Variants in KCNIP4 observed in about 807,000 individuals in gnomAD.
KCNIP4 encodes the protein potassium voltage-gated channel interacting protein 4.
Under a neutral mutation model 34.0 loss-of-function variants are expected in KCNIP4, and 12 were observed. The observed-to-expected ratio is 0.35, with a 90% CI of 0.23 to 0.57. The LOEUF is 0.57. Among genes scored for constraint, KCNIP4 ranks in the 20% least tolerant of loss-of-function variants. The pLI is 0.83. For synonymous variants in KCNIP4, 124 were observed against 102.2 expected (o/e 1.21, Z -1.29); for missense variants, 238 against 311.7 (o/e 0.76, Z 1.78).
chr4:21,308,711 A>AGAGAGT (rs112369238), intron 1 of KCNIP4, among the ~76,000 whole-genome samples: 1 of 149,874 alleles, frequency 6.7e-6, no homozygotes, highest in Non-Finnish European at 1.5e-5. Flanking sequence ...CTGCCGTGTG[A>AGAGAGT]GTGTGTGTGT....
intron 1 of KCNIP4, among the ~76,000 whole-genome samples, chr4:21,126,629 A>AAAG (rs59830059): frequency 0.069 from 9,843 of 143,186 alleles, 495 homozygotes; most frequent in South Asian, 0.16. Flanking sequence ...AAAAAAAAAA[A>AAAG]AAAGAAAAGA....
chr4:21,550,768 AT>A (rs1404940894), intron 1 of KCNIP4, among the ~76,000 whole-genome samples: 2 of 152,108 alleles, frequency 1.3e-5, no homozygotes, highest in Non-Finnish European at 2.9e-5. Context: ...TTGATTATGA[AT>A]CTTGAAGAAA....
At chr4:21,047,954 C>T (rs985027252) in intron 1 of KCNIP4, among the ~76,000 whole-genome samples, 1 of 152,180 alleles carries the variant, frequency 6.6e-6, no homozygotes, top group East Asian at 1.9e-4. Flanking sequence ...GCAACTCCCC[C>T]ATATGTGGAG....
At chr4:21,294,995 G>A (rs1763755790) in intron 1 of KCNIP4, among the ~76,000 whole-genome samples, 1 of 152,172 alleles carries the variant, frequency 6.6e-6, no homozygotes, top group Non-Finnish European at 1.5e-5. Flanking sequence ...ACTATGGCAA[G>A]TGTTCAAGGA....
chr4:21,862,944 G>C (rs565845537), intron 1 of KCNIP4, among the ~76,000 whole-genome samples: 2 of 144,486 alleles, frequency 1.4e-5, no homozygotes, highest in Non-Finnish European at 3.0e-5. Flanking sequence ...CTGGGTGACC[G>C]AGTGAGACTC....
At chr4:21,133,428 A>G (rs2109181086) in intron 1 of KCNIP4, among the ~76,000 whole-genome samples, 1 of 152,204 alleles carries the variant, frequency 6.6e-6, no homozygotes, top group East Asian at 1.9e-4. Flanking sequence ...TGCATCCCAT[A>G]TTTCCATGGA....
At chr4:20,962,915 T>G (rs1323250795) in intron 1 of KCNIP4, among the ~76,000 whole-genome samples, 1 of 152,206 alleles carries the variant, frequency 6.6e-6, no homozygotes, top group African/African-American at 2.4e-5. Context: ...AGTTAGAATA[T>G]TTTGACAGAA....
intron 1 of KCNIP4, among the ~76,000 whole-genome samples, chr4:21,309,640 T>C (rs1712907570): frequency 6.6e-6 from 1 of 152,184 alleles, no homozygotes; most frequent in Non-Finnish European, 1.5e-5. Context: ...CTGTAAACCC[T>C]ATGAGGCAGC....
chr4:21,067,605 C>T, intron 1 of KCNIP4, among the ~76,000 whole-genome samples: 1 of 152,174 alleles, frequency 6.6e-6, no homozygotes, highest in South Asian at 2.1e-4. Flanking sequence ...ACTTTGCCAC[C>T]TGCTGAGTGT....
chr4:20,795,092 A>T (rs1054668754), intron 3 of KCNIP4, among the ~76,000 whole-genome samples: 1 of 152,178 alleles, frequency 6.6e-6, no homozygotes, highest in Non-Finnish European at 1.5e-5. Flanking sequence ...GCAAGTTATG[A>T]TAAACAGCAT....
intron 1 of KCNIP4, among the ~76,000 whole-genome samples, chr4:21,119,355 C>T (rs954675050): frequency 1.3e-5 from 2 of 150,836 alleles, no homozygotes; most frequent in Non-Finnish European, 3.0e-5. Flanking sequence ...TACCCCTGTC[C>T]CTTTGCTGGT....
At chr4:21,309,413 T>G (rs1712878516) in intron 1 of KCNIP4, among the ~76,000 whole-genome samples, 1 of 152,212 alleles carries the variant, frequency 6.6e-6, no homozygotes, top group South Asian at 2.1e-4. Context: ...AGCTGATTAT[T>G]AAGTATTTCA....
At chr4:21,238,427 A>G (rs1445118370) in intron 1 of KCNIP4, among the ~76,000 whole-genome samples, 1 of 152,216 alleles carries the variant, frequency 6.6e-6, no homozygotes, top group Non-Finnish European at 1.5e-5. Context: ...TTAGGAAAAG[A>G]GGAAGTCAAA....
intron 1 of KCNIP4, among the ~76,000 whole-genome samples, chr4:21,779,900 T>C (rs530346973): frequency 6.7e-6 from 1 of 149,916 alleles, no homozygotes; most frequent in African/African-American, 2.5e-5. Context: ...TGCTGCACTC[T>C]AGCCTAAGCA....
rs532929539 is a variant in KCNIP4, at chr4:20,758,614, A to G, written c.358+207T>C. Among the ~76,000 whole-genome samples the G allele has an allele frequency of 4.6e-5, 7 of 152,316 alleles. No homozygotes were observed. The South Asian group carries it at 8.3e-4, about 18-fold the overall frequency. ...GGGCACACAGTAATAGTTGTATTAAACTAAAGAGCAGCCTCTTGGATATTT... is the reference window on the plus strand; with the variant it reads ...GGGCACACAGTAATAGTTGTATTAAGCTAAAGAGCAGCCTCTTGGATATTT... On this transcript the variant is annotated intron_variant, in intron 4 of 8. Transcript: ENST00000382152.
chr4:21,495,971 C>A (rs1732817314), intron 1 of KCNIP4, among the ~76,000 whole-genome samples: 1 of 152,144 alleles, frequency 6.6e-6, no homozygotes, highest in South Asian at 2.1e-4. Context: ...TGGGGCCCTG[C>A]AATCTGCATA....
At chr4:21,298,733 T>C (rs906959372) in intron 1 of KCNIP4, among the ~76,000 whole-genome samples, 1 of 152,206 alleles carries the variant, frequency 6.6e-6, no homozygotes, top group Non-Finnish European at 1.5e-5. Context: ...ATTTATAACA[T>C]GGTGCCTTTA....
chr4:21,559,619 C>A (rs996251025), intron 1 of KCNIP4, among the ~76,000 whole-genome samples: 1 of 152,032 alleles, frequency 6.6e-6, no homozygotes, highest in African/African-American at 2.4e-5. Flanking sequence ...GCCAGGAAAG[C>A]CACTTCAGAG....
chr4:21,026,396 G>A (rs1740561064), intron 1 of KCNIP4, among the ~76,000 whole-genome samples: 1 of 152,192 alleles, frequency 6.6e-6, no homozygotes, highest in South Asian at 2.1e-4. Flanking sequence ...GCTCACACCT[G>A]TAATCCCAGC....
Sources: allele counts gnomAD v4.1 joint callset (sites outside exome capture counted in the v4.1 genomes callset), GRCh38; gene constraint gnomAD v4.1.1; transcripts MANE v1.5; gene names NCBI Gene and HGNC (gene_info 2026-07-23, HGNC 2026-07-21).